STRN: variants seen among roughly 807,000 people sequenced by gnomAD.
STRN encodes striatin.
In STRN, 53 loss-of-function variants were observed where a neutral mutation model predicts 96.3. The ratio of observed to expected loss-of-function variants is 0.55; its 90% confidence interval spans 0.44 to 0.69. The LOEUF (loss-of-function observed/expected upper bound fraction) is 0.69. Ranked by LOEUF, STRN falls within the 30% of genes least tolerant of loss-of-function variation. The pLI, the probability that STRN is intolerant of heterozygous loss-of-function variation, is 0.00. For synonymous variants in STRN, 428 were observed against 355.9 expected, an observed-to-expected ratio of 1.20 and a Z score of -2.28; for missense variants, 987 against 963.9, an observed-to-expected ratio of 1.02 and a Z score of -0.32.
At chr2:36,925,724 G>T (rs1670391321) in intron 1 of STRN, among the ~76,000 whole-genome samples, 1 of 152,122 alleles carries the variant, frequency 6.6e-6, no homozygotes, top group Non-Finnish European at 1.5e-5. Context: ...AGTAAGCCGA[G>T]ATCACGCCTC....
chr2:36,858,071 A>C, intron 13 of STRN, 48 bp from the exon 14 acceptor site: 1 of 1,477,452 alleles, frequency 6.8e-7, no homozygotes, highest in Non-Finnish European at 9.1e-7. Context: ...ACAACCACAA[A>C]GGTACTTAGA....
chr2:36,907,076 T>A (rs144374206), intron 3 of STRN, among the ~76,000 whole-genome samples: 2 of 152,186 alleles, frequency 1.3e-5, no homozygotes, highest in Non-Finnish European at 2.9e-5. Context: ...GCTTTCCCTA[T>A]GGTAAGTCTG....
At chr2:36,935,587 CA>C (rs1297591978) in intron 1 of STRN, among the ~76,000 whole-genome samples, 1 of 152,202 alleles carries the variant, frequency 6.6e-6, no homozygotes, top group Non-Finnish European at 1.5e-5. Flanking sequence ...ATGCACTCAA[CA>C]TAAAATAATT....
At chr2:36,935,293 AT>A (rs1217587616) in intron 1 of STRN, among the ~76,000 whole-genome samples, 1 of 152,122 alleles carries the variant, frequency 6.6e-6, no homozygotes, top group African/African-American at 2.4e-5. Context: ...TTCCAAGAGC[AT>A]TTCTTATTTT....
At chr2:36,950,009 A>C (rs1447406199) in intron 1 of STRN, among the ~76,000 whole-genome samples, 1 of 152,176 alleles carries the variant, frequency 6.6e-6, no homozygotes, top group East Asian at 1.9e-4. Context: ...AGAAATGAGT[A>C]ACCAAAAGCA....
intron 10 of STRN, among the ~76,000 whole-genome samples, chr2:36,875,346 C>CA (rs1465962528): frequency 3.3e-5 from 5 of 151,598 alleles, no homozygotes; most frequent in Non-Finnish European, 5.9e-5. Flanking sequence ...CCCGTCTATA[C>CA]AAAAAATTAA....
In STRN at chr2:36,966,371, G is replaced by A. The variant is rs772066316; in HGVS notation, c.93C>T (p.Ala31=). The part of the protein sequence containing the change: ...AKGLGPLAEA[A]AAGDGAAAAG... ...CCGCAGCCGCCCCGTCGCCGGCCGC[G>A]GCAGCCTCCGCCAGAGGCCCGAGCC... The change falls in exon 1 of 18, where the codon GCC becomes GCT. Residue 31 remains alanine, a synonymous_variant. Coordinates refer to ENST00000263918, the MANE Select transcript of STRN (RefSeq NM_003162.4). The A allele has an allele frequency of 1.4e-6, 2 of 1,465,636 alleles. No homozygotes were observed. Among genetic ancestry groups the A allele is most frequent in the East Asian group, 3.0e-5 (1 of 33,522 alleles). The allele number at this position is 1,465,636 out of a possible 1,614,324, so 90.8% of individuals were successfully genotyped here.
intron 12 of STRN, among the ~76,000 whole-genome samples, chr2:36,865,011 G>A (rs759091898): frequency 1.6e-4 from 25 of 152,106 alleles, no homozygotes; most frequent in Non-Finnish European, 2.4e-4. Flanking sequence ...CACTGCACCC[G>A]GCCCCTCCTC....
chr2:36,902,802 T>C (rs775192592), intron 4 of STRN, 51 bp from the exon 5 acceptor site: 1 of 1,415,044 alleles, frequency 7.1e-7, no homozygotes, highest in Admixed American at 2.2e-5. Context: ...CAGTATTCTA[T>C]AATTTAATAT....
chr2:36,919,782 T>C (rs1572674713), intron 2 of STRN, among the ~76,000 whole-genome samples: 2 of 152,244 alleles, frequency 1.3e-5, no homozygotes, highest in South Asian at 2.1e-4. Flanking sequence ...TAGAGAGAAA[T>C]TTTAAAAATG....
intron 3 of STRN, among the ~76,000 whole-genome samples, chr2:36,912,389 CCTT>C (rs1669985553): frequency 6.6e-6 from 1 of 152,194 alleles, no homozygotes; most frequent in African/African-American, 2.4e-5. Context: ...TCACCTCTCT[CCTT>C]AAGTTCTCAG....
intron 6 of STRN, among the ~76,000 whole-genome samples, chr2:36,898,550 T>C (rs1426652194): frequency 6.6e-6 from 1 of 152,214 alleles, no homozygotes; most frequent in Non-Finnish European, 1.5e-5. Flanking sequence ...TAGAAAGCAC[T>C]TTATAGTTAA....
chr2:36,964,248 GGT>G (rs916440558), intron 1 of STRN, among the ~76,000 whole-genome samples: 1 of 149,724 alleles, frequency 6.7e-6, no homozygotes, highest in Admixed American at 6.6e-5. Flanking sequence ...ATTGTTTTCT[GGT>G]GTGTGTGTGT....
At chr2:36,952,643 T>C (rs898664767) in intron 1 of STRN, among the ~76,000 whole-genome samples, 55 of 152,200 alleles carry the variant, frequency 3.6e-4, no homozygotes, top group African/African-American at 1.2e-3. Flanking sequence ...GCACTTAGCA[T>C]TGTACCTGGC....
chr2:36,887,149 C>G (rs888432158), intron 7 of STRN, among the ~76,000 whole-genome samples: 8 of 151,470 alleles, frequency 5.3e-5, no homozygotes, highest in Non-Finnish European at 1.0e-4. Context: ...AACTTCTCGG[C>G]CAGGTGGGGT....
chr2:36,850,979 CAATTCTTAATA>C lies in STRN; in HGVS notation c.2086+10_2086+20del, dbSNP rs1668206239. ...TTTTTTTTTTTGCTTTAATAAAAAT[CAATTCTTAATA>C]AATTCTTACCTGTATTGTTATCATA... On this transcript the variant is annotated intron_variant, in intron 16 of 17. Transcript: ENST00000263918. 4 of 1,436,524 alleles carry C rather than the reference CAATTCTTAATA, an allele frequency of 2.8e-6. No individual in the cohort carries two copies. Among genetic ancestry groups the C allele is most frequent in the Non-Finnish European group, 3.8e-6 (4 of 1,064,956 alleles). The allele number at this position is 1,436,524 out of a possible 1,614,324, so 89.0% of individuals were successfully genotyped here.
chr2:36,935,091 G>A (rs1305711771), intron 1 of STRN, among the ~76,000 whole-genome samples: 8 of 152,112 alleles, frequency 5.3e-5, no homozygotes, highest in Non-Finnish European at 1.0e-4. Flanking sequence ...AGGAAGGAAC[G>A]AAACTCATAA....
intron 10 of STRN, 122 bp downstream of exon 10, chr2:36,877,769 C>T (rs1668952761): frequency 1.8e-6 from 2 of 1,085,776 alleles, no homozygotes; most frequent in Non-Finnish European, 2.6e-6. Flanking sequence ...CTCCTGACCT[C>T]AAGTGATCCG....
Position 36,912,558 on chromosome 2 carries a change from C to G in STRN, c.412+3520G>C, listed in dbSNP as rs539776109. On this transcript the variant is annotated intron_variant, in intron 3 of 17. Transcript: ENST00000263918. ...CTGTTAATGTACTCTGTATCAGACT[C>G]TTTTTCACGTTTCCGTTCTTCTACC... is the stretch of plus-strand genomic sequence containing the variant. Among the ~76,000 whole-genome samples the G allele has an allele frequency of 7.9e-5, 12 of 152,266 alleles. No individual in the cohort carries two copies. The East Asian group carries it at 2.1e-3, about 27-fold the overall frequency.
Sources: gnomAD v4.1 joint callset for allele counts (sites outside exome capture counted in the v4.1 genomes callset) on GRCh38, gnomAD v4.1.1 for gene constraint, MANE v1.5 for transcripts, NCBI Gene and HGNC (gene_info 2026-07-23, HGNC 2026-07-21) for gene names.